Variants in GRIN2A observed in about 807,000 individuals in gnomAD.
GRIN2A encodes glutamate receptor ionotropic, NMDA 2A.
Under a neutral mutation model 113.4 loss-of-function variants are expected in GRIN2A, and 22 were observed. That is an observed-to-expected ratio of 0.19 (90% CI 0.14 to 0.28). GRIN2A has a LOEUF of 0.28. GRIN2A is among the 10% of genes least tolerant of loss of function. The probability of loss-of-function intolerance (pLI) is 1.00; values close to 1 mark genes in which losing one functional copy is unlikely to be tolerated. For synonymous variants in GRIN2A, 827 were observed against 738.4 expected, an observed-to-expected ratio of 1.12 and a Z score of -1.94; for missense variants, 1,502 against 1,887.0, an observed-to-expected ratio of 0.80 and a Z score of 3.78.
chr16:9,928,751 C>T (rs1327496638), intron 3 of GRIN2A, among the ~76,000 whole-genome samples: 1 of 152,184 alleles, frequency 6.6e-6, no homozygotes, highest in Non-Finnish European at 1.5e-5. Flanking sequence ...TGCTCCACCA[C>T]CCATCACCTC....
intron 4 of GRIN2A, among the ~76,000 whole-genome samples, chr16:9,861,890 C>T (rs971639388): frequency 6.6e-6 from 1 of 152,220 alleles, no homozygotes; most frequent in African/African-American, 2.4e-5. Context: ...CCTGCTTCCT[C>T]TGAATGCACT....
intron 2 of GRIN2A, among the ~76,000 whole-genome samples, chr16:10,145,609 T>C (rs955319962): frequency 2.6e-5 from 4 of 152,188 alleles, no homozygotes; most frequent in African/African-American, 7.2e-5. Flanking sequence ...CTAATCTCCA[T>C]AGCAATAAGT....
intron 11 of GRIN2A, among the ~76,000 whole-genome samples, chr16:9,791,027 T>C (rs1902576158): frequency 6.6e-6 from 1 of 152,256 alleles, no homozygotes; most frequent in Admixed American, 6.5e-5. Flanking sequence ...TTTATTTTCA[T>C]ATTTAATCCT....
chr16:10,075,479 G>C (rs1247428448), intron 2 of GRIN2A, among the ~76,000 whole-genome samples: 1 of 152,078 alleles, frequency 6.6e-6, no homozygotes. Context: ...TAAGTACAGA[G>C]ACTCGATTTG....
At chr16:9,810,007 G>A (rs1472767277) in intron 10 of GRIN2A, among the ~76,000 whole-genome samples, 1 of 152,190 alleles carries the variant, frequency 6.6e-6, no homozygotes, top group Non-Finnish European at 1.5e-5. Flanking sequence ...GGTAGAGGTT[G>A]CAGTGGGCCG....
chr16:9,778,172 C>T (rs1901721712), intron 11 of GRIN2A, among the ~76,000 whole-genome samples: 1 of 152,206 alleles, frequency 6.6e-6, no homozygotes, highest in South Asian at 2.1e-4. Context: ...GATTGGACAA[C>T]TCTATCAAAC....
chr16:9,928,432 C>T (rs2044513949), intron 3 of GRIN2A, among the ~76,000 whole-genome samples: 1 of 152,190 alleles, frequency 6.6e-6, no homozygotes, highest in African/African-American at 2.4e-5. Flanking sequence ...GCATGCTTCT[C>T]CCTTTTGGTA....
At chr16:10,117,520 G>A (rs911815905) in intron 2 of GRIN2A, among the ~76,000 whole-genome samples, 4 of 17,156 alleles carry the variant, frequency 2.3e-4, no homozygotes, top group African/African-American at 2.5e-4. Flanking sequence ...ATAATAAAAA[G>A]TTAATTTGAA....
intron 2 of GRIN2A, among the ~76,000 whole-genome samples, chr16:10,129,462 G>A (rs752782032): frequency 5.3e-5 from 8 of 152,186 alleles, no homozygotes; most frequent in Non-Finnish European, 7.3e-5. Context: ...AATGGCTAGA[G>A]TGGAGGCTAC....
intron 2 of GRIN2A, among the ~76,000 whole-genome samples, chr16:10,096,996 G>A (rs2048307163): frequency 6.6e-6 from 1 of 152,164 alleles, no homozygotes; most frequent in African/African-American, 2.4e-5. Flanking sequence ...GTGGTACAAG[G>A]AGACTGAATT....
intron 7 of GRIN2A, among the ~76,000 whole-genome samples, chr16:9,839,388 AC>A (rs752751852): frequency 6.6e-6 from 1 of 152,134 alleles, no homozygotes; most frequent in East Asian, 1.9e-4. Context: ...AAAAAAAAAA[AC>A]ACCTTTTATG....
At chr16:9,895,735 T>A (rs1048707758) in intron 3 of GRIN2A, among the ~76,000 whole-genome samples, 3 of 152,238 alleles carry the variant, frequency 2.0e-5, no homozygotes, top group Non-Finnish European at 4.4e-5. Context: ...CCAGTCACTC[T>A]GTACCTGCTG....
chr16:9,977,190 G>A (rs765223701), intron 2 of GRIN2A, among the ~76,000 whole-genome samples: 13 of 152,044 alleles, frequency 8.6e-5, no homozygotes, highest in Non-Finnish European at 1.8e-4. Context: ...TACTTGGGAG[G>A]CTGAGGCAGG....
At chr16:10,105,453 T>C (rs1009942543) in intron 2 of GRIN2A, among the ~76,000 whole-genome samples, 10 of 150,326 alleles carry the variant, frequency 6.7e-5, no homozygotes, top group Non-Finnish European at 7.4e-5. Context: ...CAATGTTTAA[T>C]AGAGAAACTA....
intron 2 of GRIN2A, among the ~76,000 whole-genome samples, chr16:10,132,375 T>C (rs576607544): frequency 8.0e-6 from 1 of 124,976 alleles, no homozygotes; most frequent in South Asian, 2.8e-4. Flanking sequence ...AAATAACTTG[T>C]CCAAAGTAAA....
intron 4 of GRIN2A, 58 bp from the exon 5 acceptor site, chr16:9,850,019 G>C: frequency 6.9e-7 from 1 of 1,446,016 alleles, no homozygotes; most frequent in Non-Finnish European, 9.7e-7. Flanking sequence ...TTTCTGGAGA[G>C]GCAAATCCTT....
intron 2 of GRIN2A, among the ~76,000 whole-genome samples, chr16:10,062,770 T>C (rs9927532): frequency 0.14 from 21,233 of 151,610 alleles, 2,055 homozygotes; most frequent in African/African-American, 0.27. Context: ...GAGGCAGTGG[T>C]AGAAGAATTG....
At chr16:10,095,439 G>A (rs1384542520) in intron 2 of GRIN2A, among the ~76,000 whole-genome samples, 1 of 152,102 alleles carries the variant, frequency 6.6e-6, no homozygotes, top group Non-Finnish European at 1.5e-5. Flanking sequence ...TAAGAATCTT[G>A]AGCCCATGCT....
At chr16:10,141,136 G>A (rs758969601) in intron 2 of GRIN2A, among the ~76,000 whole-genome samples, 2 of 152,096 alleles carry the variant, frequency 1.3e-5, no homozygotes, top group Non-Finnish European at 2.9e-5. Context: ...TGAGGCTGGA[G>A]TGAGCCAGAT....
Sources: allele counts gnomAD v4.1 joint callset (sites outside exome capture counted in the v4.1 genomes callset), GRCh38; gene constraint gnomAD v4.1.1; transcripts MANE v1.5; gene names NCBI Gene and HGNC (gene_info 2026-07-23, HGNC 2026-07-21).